The following RSRP1 variants were observed in gnomAD, a reference collection of about 807,000 sequenced individuals.
The protein encoded by RSRP1 is arginine and serine rich protein 1.
RSRP1 carries 37 observed loss-of-function variants against 33.0 expected under a neutral mutation model. That is an observed-to-expected ratio of 1.12 (90% CI 0.86 to 1.48). The LOEUF (loss-of-function observed/expected upper bound fraction) is 1.48, where lower values mean the gene tolerates loss of function less well. Among genes scored for constraint, RSRP1 ranks in the 40% most tolerant of loss-of-function variants. RSRP1 has a pLI of 0.00. For synonymous variants in RSRP1, 167 were observed against 158.7 expected (o/e 1.05, Z -0.40); for missense variants, 402 against 385.3 (o/e 1.04, Z -0.36).
upstream of RSRP1, chr1:25,247,776 C>T (rs1486000672): frequency 6.6e-6 from 1 of 152,388 alleles, no homozygotes; most frequent in Non-Finnish European, 1.5e-5. Flanking sequence ...CAGGCTCTGG[C>T]CTCACTGCAC....
intron 1 of RSRP1, among the ~76,000 whole-genome samples, chr1:25,315,538 C>A (rs1644394760): frequency 1.7e-5 from 2 of 120,832 alleles, no homozygotes; most frequent in Admixed American, 1.6e-4. Flanking sequence ...GCTGTGTTGC[C>A]CAGGCTGGAG....
intron 1 of RSRP1, among the ~76,000 whole-genome samples, chr1:25,333,646 T>C (rs1645044613): frequency 7.6e-6 from 1 of 131,456 alleles, no homozygotes; most frequent in African/African-American, 2.6e-5. Flanking sequence ...GCCATTGTAT[T>C]AGTCTGTTCA....
rs1310755054 is a variant in RSRP1 at position 25,279,889 on chromosome 1, G to A, written c.-66-32860C>T. ...CCCCTGAACACCTTAGAGCCCATCA[G>A]CTTATCAAACCAGCAGCTGATGTGA... On this transcript the variant is annotated intron_variant, in intron 1 of 1. Coordinates refer to the RSRP1 transcript ENST00000561867. Among the ~76,000 whole-genome samples, 2 of 129,514 alleles carry A rather than the reference G, an allele frequency of 1.5e-5. 1 individual carries two copies. Among genetic ancestry groups the A allele is most frequent in the Non-Finnish European group, 3.6e-5 (2 of 55,396 alleles). 85.0% of individuals were successfully genotyped at this position (129,514 alleles called of 152,430 possible).
At position 25,278,814 on chromosome 1, in the gene RSRP1, C is replaced by T. The variant is rs1416939208; in HGVS notation, c.-66-31785G>A. The stretch of plus-strand genomic sequence containing the variant: ...TTCCACACTGCAGCTTTGGTCTGCC[C>T]CTTTGGGAAATCTCTGTTTTTCTTC... On this transcript the variant is annotated intron_variant, in intron 1 of 1. Coordinates refer to the RSRP1 transcript ENST00000561867. 1.5e-5 allele frequency among the ~76,000 whole-genome samples: 2 copies of T among 129,604 alleles called. 1 individual carries two copies. The highest frequency in any genetic ancestry group is 3.7e-5 in the Non-Finnish European group (2 of 54,778). The allele number at this position is 129,604 out of a possible 152,430, so 85.0% of individuals were successfully genotyped here.
intron 2 of RSRP1, 50 bp from the exon 3 acceptor site, chr1:25,245,351 T>C: frequency 6.4e-7 from 1 of 1,552,766 alleles, no homozygotes; most frequent in Non-Finnish European, 8.8e-7. Flanking sequence ...CTGGTAGTTA[T>C]TTCCCAAGAG....
At chr1:25,324,547 A>T (rs1644870222) in intron 1 of RSRP1, among the ~76,000 whole-genome samples, 2 of 152,270 alleles carry the variant, frequency 1.3e-5, no homozygotes, top group Admixed American at 6.5e-5. Context: ...TTTAAAGATC[A>T]AGTGAGGTAA....
chr1:25,319,502 T>C (rs1188971505), intron 1 of RSRP1, among the ~76,000 whole-genome samples: 11 of 131,154 alleles, frequency 8.4e-5, no homozygotes, highest in African/African-American at 1.6e-4. Flanking sequence ...CCAGCTGCTC[T>C]GGAGGCTGAG....
upstream of RSRP1, chr1:25,338,175 C>T (rs3093564): frequency 3.1e-4 from 47 of 152,298 alleles, no homozygotes; most frequent in African/African-American, 1.1e-3. Flanking sequence ...CAAACTAGCA[C>T]TCCCGACGTC....
intron 1 of RSRP1, among the ~76,000 whole-genome samples, chr1:25,255,529 G>A (rs763352974): frequency 2.0e-5 from 3 of 152,080 alleles, no homozygotes; most frequent in Non-Finnish European, 2.9e-5. Flanking sequence ...CAACCCTTTC[G>A]GCAACAGGGA....
At chr1:25,268,786 A>G (rs527980485) in intron 1 of RSRP1, among the ~76,000 whole-genome samples, 6 of 129,758 alleles carry the variant, frequency 4.6e-5, no homozygotes, top group African/African-American at 1.6e-4. Context: ...TGTCTCTACT[A>G]AAAAAACAAA....
chr1:25,260,611 A>T (rs1256099325), intron 1 of RSRP1, among the ~76,000 whole-genome samples: 1 of 152,180 alleles, frequency 6.6e-6, no homozygotes, highest in African/African-American at 2.4e-5. Context: ...AGCAGCTTAA[A>T]CTGTTGTTAA....
intron 1 of RSRP1, among the ~76,000 whole-genome samples, chr1:25,310,472 C>G (rs1384133148): frequency 1.5e-5 from 2 of 131,802 alleles, no homozygotes; most frequent in African/African-American, 5.1e-5. Context: ...GAACTGTGAG[C>G]TAAATCAATT....
At chr1:25,251,779 T>C (rs1203188372), upstream of RSRP1, among the ~76,000 whole-genome samples, 1 of 152,168 alleles carries the variant, frequency 6.6e-6, no homozygotes, top group Non-Finnish European at 1.5e-5. Flanking sequence ...TAGAATCCTC[T>C]AAAAGAGGTC....
intron 1 of RSRP1, among the ~76,000 whole-genome samples, chr1:25,264,073 G>A (rs1441709586): frequency 6.6e-6 from 1 of 152,032 alleles, no homozygotes; most frequent in Non-Finnish European, 1.5e-5. Context: ...TACCTTTGCA[G>A]GGTACAGCCT....
rs1427724347 is a variant in RSRP1, at chr1:25,309,437, T to G, written c.-67+28541A>C. Among the ~76,000 whole-genome samples the G allele has an allele frequency of 1.5e-5, 2 of 131,750 alleles. 1 individual carries two copies. Among genetic ancestry groups the G allele is most frequent in the African/African-American group, 5.3e-5 (2 of 37,994 alleles). The allele number at this position is 131,750 out of a possible 152,430, so 86.4% of individuals were successfully genotyped here. A position where few individuals can be genotyped will look rare whatever the true frequency, so the allele number is the denominator to read the frequency against. ...CAGACTGCCATATCTGGGAGAGATT[T>G]TAGCAACATTTTGTTTTCATTGTAT... On this transcript the variant is annotated intron_variant, in intron 1 of 1. Transcript: ENST00000561867.
intron 1 of RSRP1, chr1:25,329,736 C>T (rs1363572104): frequency 7.6e-6 from 1 of 130,758 alleles, no homozygotes; most frequent in South Asian, 2.3e-4. Context: ...TCACTGCAAC[C>T]TCCGCCTCCC....
intron 1 of RSRP1, among the ~76,000 whole-genome samples, chr1:25,275,003 C>G (rs111939189): frequency 0.028 from 3,711 of 130,754 alleles, 615 homozygotes; most frequent in African/African-American, 0.089. Flanking sequence ...AAGAGGAGAG[C>G]AGGGACTGGG....
intron 1 of RSRP1, among the ~76,000 whole-genome samples, chr1:25,292,658 G>T (rs1279433222): frequency 7.7e-6 from 1 of 129,310 alleles, no homozygotes; most frequent in South Asian, 2.4e-4. Flanking sequence ...TGGGGGAGGG[G>T]GGGTAGAGAT....
In RSRP1 at chr1:25,280,975, C is replaced by T. The variant is rs1571589627; in HGVS notation, c.-66-33946G>A. Among the ~76,000 whole-genome samples, 3 of 131,730 alleles carry T rather than the reference C, an allele frequency of 2.3e-5. No homozygotes were observed. The East Asian group carries it at 5.9e-4, about 26-fold the overall frequency. The allele number at this position is 131,730 out of a possible 152,430, so 86.4% of individuals were successfully genotyped here. On this transcript the variant is annotated intron_variant, in intron 1 of 1. Transcript: ENST00000561867. ...CTGCCCTTATCCAGGCAACTCTCCT[C>T]TCCCCATCTTCCACTAACTTCTTTG...
Sources: gnomAD v4.1 joint callset for allele counts (sites outside exome capture counted in the v4.1 genomes callset) on GRCh38, gnomAD v4.1.1 for gene constraint, MANE v1.5 for transcripts, NCBI Gene and HGNC (gene_info 2026-07-23, HGNC 2026-07-21) for gene names.